The following EPSTI1 variants were observed in gnomAD, a reference collection of about 807,000 sequenced individuals.
EPSTI1 encodes epithelial-stromal interaction protein 1.
A neutral mutation model predicts 49.9 loss-of-function variants in EPSTI1; 66 were observed. That is an observed-to-expected ratio of 1.32 (90% CI 1.08 to 1.62). EPSTI1 has a LOEUF of 1.62. EPSTI1 is among the 40% of genes most tolerant of loss of function. The pLI, the probability that EPSTI1 is intolerant of heterozygous loss-of-function variation, is 0.00. For synonymous variants in EPSTI1, 137 were observed against 130.7 expected, an observed-to-expected ratio of 1.05 and a Z score of -0.33; for missense variants, 394 against 365.5, an observed-to-expected ratio of 1.08 and a Z score of -0.64.
At chr13:42,973,377 C>T (rs1315521333) in intron 1 of EPSTI1, among the ~76,000 whole-genome samples, 1 of 152,126 alleles carries the variant, frequency 6.6e-6, no homozygotes, top group Admixed American at 6.5e-5. Flanking sequence ...GCAGTGGTCC[C>T]AGTAATAAAC....
At position 42,917,640 on chromosome 13, in the gene EPSTI1, G is replaced by GACAAAAA; in HGVS notation, c.658-17_658-16insTTTTTGT. On this transcript the variant is annotated splice_polypyrimidine_tract_variant and intron_variant, in intron 7 of 10. Transcript: ENST00000313624. The stretch of plus-strand genomic sequence containing the variant: ...AGCTTCTGGCCTGTAAAGGTACAAA[G>GACAAAAA]AGAAAAAAAAAAAAAAAAACAACTT... 6.7e-6 allele frequency: 1 copy of GACAAAAA among 149,422 alleles called. No homozygotes were observed. 9.3% of individuals were successfully genotyped at this position (149,422 alleles called of 1,614,324 possible).
chr13:42,949,319 G>A (rs2039021283), intron 6 of EPSTI1, among the ~76,000 whole-genome samples: 1 of 152,182 alleles, frequency 6.6e-6, no homozygotes, highest in African/African-American at 2.4e-5. Flanking sequence ...GCCCAGGCAC[G>A]TGGCTCACGC....
intron 6 of EPSTI1, among the ~76,000 whole-genome samples, chr13:42,929,480 T>A (rs1301122820): frequency 6.6e-6 from 1 of 152,174 alleles, no homozygotes; most frequent in Non-Finnish European, 1.5e-5. Flanking sequence ...ACAAATCCTG[T>A]AGTAGGGTCT....
At chr13:42,980,525 A>T (rs1385348512) in intron 1 of EPSTI1, among the ~76,000 whole-genome samples, 1 of 152,216 alleles carries the variant, frequency 6.6e-6, no homozygotes. Context: ...ACTGCCCTTT[A>T]TAAAACCATC....
At position 42,943,886 on chromosome 13, in the gene EPSTI1, G is replaced by T. The variant is rs901234791; in HGVS notation, c.563+10062C>A. The stretch of plus-strand genomic sequence containing the variant: ...TATGAACAGACACTTCTCAAAAGAA[G>T]ACATTTATGCAGCCAACAAACATAT... On this transcript the variant is annotated intron_variant, in intron 6 of 10. Transcript: ENST00000313624. Among the ~76,000 whole-genome samples the T allele has an allele frequency of 4.6e-5, 7 of 152,200 alleles. No homozygotes were observed. In the East Asian group the frequency reaches 1.4e-3, roughly 29 times the overall value.
chr13:42,905,161 G>C (rs905270103), intron 8 of EPSTI1, among the ~76,000 whole-genome samples: 1 of 152,146 alleles, frequency 6.6e-6, no homozygotes, highest in Non-Finnish European at 1.5e-5. Flanking sequence ...AGAACTGTTA[G>C]GGAGGAAGAA....
chr13:42,954,346 A>G (rs2039195187), intron 5 of EPSTI1, among the ~76,000 whole-genome samples: 1 of 152,264 alleles, frequency 6.6e-6, no homozygotes, highest in Admixed American at 6.5e-5. Context: ...TTTTAATGAA[A>G]ACATGAAATT....
chr13:42,958,555 A>G (rs933108536), intron 5 of EPSTI1, among the ~76,000 whole-genome samples: 4 of 152,182 alleles, frequency 2.6e-5, no homozygotes, highest in African/African-American at 9.7e-5. Flanking sequence ...ACACATATGG[A>G]AGAATCCATG....
intron 1 of EPSTI1, among the ~76,000 whole-genome samples, 194 bp from the exon 2 acceptor site, chr13:42,970,864 G>A (rs1301998798): frequency 1.3e-5 from 2 of 152,126 alleles, no homozygotes; most frequent in African/African-American, 4.8e-5. Flanking sequence ...TAAAACAAAG[G>A]ACATGGCCAA....
intron 6 of EPSTI1, among the ~76,000 whole-genome samples, chr13:42,927,987 C>T (rs527330912): frequency 6.6e-6 from 1 of 152,336 alleles, no homozygotes; most frequent in Non-Finnish European, 1.5e-5. Context: ...AAACTTCAGA[C>T]CAAGTTGACA....
rs1161576608 is a variant in EPSTI1 at position 42,888,447 on chromosome 13, G to A, written c.*47C>T. On this transcript the variant is annotated 3_prime_UTR_variant, in exon 11 of 11. Transcript: ENST00000313624. ...ACATTAAGAAAAAGCATCTCATGAG[G>A]CTTTTCGAGGTCAGTTGATGAAGGC... 2 of 1,613,882 alleles carry A rather than the reference G, an allele frequency of 1.2e-6. No individual in the cohort carries two copies. Among genetic ancestry groups the A allele is most frequent in the African/African-American group, 2.7e-5 (2 of 74,884 alleles).
In EPSTI1 at chr13:42,887,594, T is replaced by A. The variant is rs1443298524; in HGVS notation, c.*900A>T. 4 of 152,192 alleles carry A rather than the reference T, an allele frequency of 2.6e-5. No homozygotes were observed. Among genetic ancestry groups the A allele is most frequent in the Admixed American group, 2.6e-4 (4 of 15,280 alleles). 9.4% of individuals were successfully genotyped at this position (152,192 alleles called of 1,614,324 possible). A position where few individuals can be genotyped will look rare whatever the true frequency, so the allele number is the denominator to read the frequency against. Reference sequence around the variant, plus strand: ...AGGGGACAGAGGGATTGAGCTAGATTACACAGCGTAGAAAATCAATGCTCT... The same window carrying A: ...AGGGGACAGAGGGATTGAGCTAGATAACACAGCGTAGAAAATCAATGCTCT... On this transcript the variant is annotated 3_prime_UTR_variant, in exon 11 of 11. Coordinates refer to ENST00000313624, the MANE Select transcript of EPSTI1 (RefSeq NM_033255.5).
chr13:42,958,381 T>G (rs1164955700), intron 5 of EPSTI1, among the ~76,000 whole-genome samples: 1 of 152,002 alleles, frequency 6.6e-6, no homozygotes. Flanking sequence ...GACCACTATA[T>G]GGAAAATTTG....
chr13:42,915,801 T>C (rs1298754562), intron 8 of EPSTI1, among the ~76,000 whole-genome samples: 1 of 152,150 alleles, frequency 6.6e-6, no homozygotes, highest in Non-Finnish European at 1.5e-5. Context: ...TCAATATTTA[T>C]CTAAGTCTAG....
chr13:42,909,385 T>C (rs1011782200), intron 8 of EPSTI1, among the ~76,000 whole-genome samples: 3 of 152,026 alleles, frequency 2.0e-5, no homozygotes, highest in Admixed American at 6.6e-5. Context: ...GTAAGTTCTC[T>C]CAAAAAATTA....
intron 1 of EPSTI1, among the ~76,000 whole-genome samples, chr13:42,974,745 C>T (rs956762451): frequency 1.3e-5 from 2 of 151,734 alleles, no homozygotes; most frequent in Non-Finnish European, 2.9e-5. Flanking sequence ...ATTTTTATAA[C>T]TTTTTATCAA....
At chr13:42,969,258 C>G in intron 2 of EPSTI1, 81 bp from the exon 3 acceptor site, 1 of 1,356,520 alleles carries the variant, frequency 7.4e-7, no homozygotes, top group South Asian at 1.2e-5. Flanking sequence ...TAAGAAACAA[C>G]TATTAGAAGG....
At chr13:42,989,912 G>T (rs938254910) in intron 1 of EPSTI1, among the ~76,000 whole-genome samples, 2 of 151,910 alleles carry the variant, frequency 1.3e-5, no homozygotes, top group African/African-American at 4.8e-5. Flanking sequence ...TTTTAAATCA[G>T]AAAGTGTTTC....
chr13:42,957,322 A>T (rs1364492413), intron 5 of EPSTI1, among the ~76,000 whole-genome samples: 1 of 152,230 alleles, frequency 6.6e-6, no homozygotes, highest in African/African-American at 2.4e-5. Context: ...TGGTTCTGGA[A>T]TTTAGAAATA....
Sources: gnomAD v4.1 joint callset for allele counts (sites outside exome capture counted in the v4.1 genomes callset) on GRCh38, gnomAD v4.1.1 for gene constraint, MANE v1.5 for transcripts, NCBI Gene and HGNC (gene_info 2026-07-23, HGNC 2026-07-21) for gene names.